The following PAX5 variants were observed in gnomAD, a reference collection of about 807,000 sequenced individuals.
PAX5 encodes the protein paired box 5.
Under a neutral mutation model 43.7 loss-of-function variants are expected in PAX5, and 9 were observed. That is an observed-to-expected ratio of 0.21 (90% CI 0.12 to 0.36). The LOEUF is 0.36. PAX5 is among the 10% of genes least tolerant of loss of function. The pLI is 1.00. For synonymous variants in PAX5, 228 were observed against 214.3 expected, an observed-to-expected ratio of 1.06 and a Z score of -0.56; for missense variants, 383 against 532.7, an observed-to-expected ratio of 0.72 and a Z score of 2.77.
chr9:36,946,272 A>G (rs1832513809), intron 6 of PAX5, among the ~76,000 whole-genome samples: 1 of 152,184 alleles, frequency 6.6e-6, no homozygotes, highest in African/African-American at 2.4e-5. Flanking sequence ...GGAACTCCGC[A>G]ATGCCAAGCA....
Position 36,868,464 on chromosome 9 carries a change from G to C in PAX5, c.1012+13540C>G, listed in dbSNP as rs1453536159. 7.2e-5 allele frequency among the ~76,000 whole-genome samples: 11 copies of C among 152,338 alleles called. No individual in the cohort carries two copies. The East Asian group carries it at 1.4e-3, about 19-fold the overall frequency. ...GGGGGTGCACACAGTGGGGAGATGAGGGACTGCGGTGGGGGGCTTCCTGTA... is the reference window on the plus strand; with the variant it reads ...GGGGGTGCACACAGTGGGGAGATGACGGACTGCGGTGGGGGGCTTCCTGTA... On this transcript the variant is annotated intron_variant, in intron 8 of 9. Coordinates refer to ENST00000358127, the MANE Select transcript of PAX5 (RefSeq NM_016734.3).
chr9:37,006,481 T>C lies in PAX5; in HGVS notation c.467A>G (p.His156Arg), dbSNP rs1424363080. 3 of 1,613,708 alleles carry C rather than the reference T, an allele frequency of 1.9e-6. No individual in the cohort carries two copies. The highest frequency in any genetic ancestry group is 1.7e-5 in the Admixed American group (1 of 60,010). ...PPNQPVPASS[H>R]SIVSTGSVTQ... ...TTAAAAGTTCCTCTTACCTATGCTG[T>C]GACTGGAAGCTGGGACTGGTTGGTT... is the stretch of plus-strand genomic sequence containing the variant. Residue 156 changes from histidine to arginine, a missense_variant, in exon 4 of 10, where the codon CAC becomes CGC. By Grantham distance (29) the His-to-Arg change is conservative. This residue lies in a region of PAX5 where 291 missense variants were observed against 342.5 expected (regional missense o/e 0.85). Transcript: ENST00000358127.
chr9:36,965,077 C>A (rs1834301655), intron 6 of PAX5, among the ~76,000 whole-genome samples: 1 of 152,114 alleles, frequency 6.6e-6, no homozygotes, highest in African/African-American at 2.4e-5. Context: ...CTTCTCCTTG[C>A]TCCACTCAAC....
intron 5 of PAX5, among the ~76,000 whole-genome samples, chr9:37,000,910 T>C (rs1837793483): frequency 6.6e-6 from 1 of 152,388 alleles, no homozygotes; most frequent in East Asian, 1.9e-4. Context: ...GTCTCGCTTA[T>C]TCTGCTCTTC....
intron 7 of PAX5, among the ~76,000 whole-genome samples, chr9:36,904,541 C>T (rs1308583480): frequency 6.6e-6 from 1 of 151,216 alleles, no homozygotes; most frequent in African/African-American, 2.4e-5. Context: ...TATGGCCTCA[C>T]AGATAATGAA....
chr9:36,997,420 G>A (rs3758171), intron 5 of PAX5, among the ~76,000 whole-genome samples: 33,495 of 152,160 alleles, frequency 0.22, 3,852 homozygotes, highest in Admixed American at 0.31. Flanking sequence ...ATTGTGAGGG[G>A]GACAGGGAGG....
chr9:36,938,993 C>T (rs2132047946), intron 6 of PAX5, among the ~76,000 whole-genome samples: 1 of 152,298 alleles, frequency 6.6e-6, no homozygotes, highest in South Asian at 2.1e-4. Context: ...CCTTCTCTCC[C>T]CATTAATTTT....
intron 7 of PAX5, among the ~76,000 whole-genome samples, chr9:36,908,117 T>C (rs1487163830): frequency 6.6e-6 from 1 of 151,364 alleles, no homozygotes; most frequent in Non-Finnish European, 1.5e-5. Flanking sequence ...GAGGATCCCT[T>C]GAGGCTGGGA....
At chr9:36,994,082 G>A (rs927754375) in intron 5 of PAX5, among the ~76,000 whole-genome samples, 1 of 152,178 alleles carries the variant, frequency 6.6e-6, no homozygotes, top group African/African-American at 2.4e-5. Context: ...ACCGAAACCT[G>A]AGCCCCCACC....
intron 1 of PAX5, among the ~76,000 whole-genome samples, chr9:37,030,984 T>TA (rs1840926191): frequency 6.6e-6 from 1 of 152,150 alleles, no homozygotes; most frequent in African/African-American, 2.4e-5. Flanking sequence ...ACTTCATTTT[T>TA]AAAAAATAAA....
chr9:36,850,903 A>G (rs1823098630), intron 8 of PAX5, among the ~76,000 whole-genome samples: 1 of 152,222 alleles, frequency 6.6e-6, no homozygotes, highest in Non-Finnish European at 1.5e-5. Context: ...ACAGGACTGG[A>G]CCCAAAGCCT....
intron 6 of PAX5, among the ~76,000 whole-genome samples, chr9:36,927,102 A>T (rs1308018926): frequency 6.6e-6 from 1 of 152,148 alleles, no homozygotes; most frequent in African/African-American, 2.4e-5. Context: ...GGAAAGATGG[A>T]ATGGTAGACT....
chr9:36,914,955 G>C (rs1347738778), intron 7 of PAX5, among the ~76,000 whole-genome samples: 1 of 152,138 alleles, frequency 6.6e-6, no homozygotes, highest in Non-Finnish European at 1.5e-5. Context: ...GTATATCTTA[G>C]ACACTTATTT....
Position 36,839,268 on chromosome 9 carries a change from C to T in PAX5, c.*1292G>A, listed in dbSNP as rs1336222593. On this transcript the variant is annotated 3_prime_UTR_variant, in exon 10 of 10. Transcript: ENST00000358127. ...AGCCCACAGTGAGTTCTCCAAGCTC[C>T]CTCTCCAAGTTCCCGTGGCCCTTGG... is the stretch of plus-strand genomic sequence containing the variant. 1 of 233,506 alleles carries T rather than the reference C, an allele frequency of 4.3e-6. No individual in the cohort carries two copies. Among genetic ancestry groups the T allele is most frequent in the Non-Finnish European group, 8.5e-6 (1 of 118,238 alleles). 14.5% of individuals were successfully genotyped at this position (233,506 alleles called of 1,614,324 possible).
intron 5 of PAX5, among the ~76,000 whole-genome samples, chr9:36,973,073 C>T (rs11789960): frequency 7.4e-5 from 2 of 26,968 alleles, no homozygotes; most frequent in South Asian, 1.2e-3. Flanking sequence ...AGGAAAGGAA[C>T]GGAACGGAAC....
chr9:36,916,518 C>T (rs556257353), intron 7 of PAX5, among the ~76,000 whole-genome samples: 87 of 152,186 alleles, frequency 5.7e-4, no homozygotes, highest in Admixed American at 1.2e-3. Flanking sequence ...TAGGTTACTT[C>T]GGAGGAGTTG....
intron 5 of PAX5, among the ~76,000 whole-genome samples, chr9:36,997,956 G>A (rs1287328750): frequency 2.6e-5 from 4 of 152,238 alleles, no homozygotes; most frequent in African/African-American, 9.7e-5. Context: ...GAACAGGCCT[G>A]CCTCAAAAGT....
At chr9:36,840,780 A>T (rs1317280428) in intron 9 of PAX5, 144 bp from the exon 10 acceptor site, 1 of 596,876 alleles carries the variant, frequency 1.7e-6, no homozygotes, top group African/African-American at 1.9e-5. Context: ...TGTTCCCCAG[A>T]TGGCAAGTCC....
intron 8 of PAX5, among the ~76,000 whole-genome samples, chr9:36,859,755 C>T (rs1824017257): frequency 6.6e-6 from 1 of 152,218 alleles, no homozygotes; most frequent in Non-Finnish European, 1.5e-5. Context: ...TCATCTGGGG[C>T]TGGGTGTAGT....
Sources: allele counts gnomAD v4.1 joint callset (sites outside exome capture counted in the v4.1 genomes callset), GRCh38; gene constraint gnomAD v4.1.1; regional missense constraint gnomAD v4.1.1; transcripts MANE v1.5; gene names NCBI Gene and HGNC (gene_info 2026-07-23, HGNC 2026-07-21).